Variants in TSPAN11 observed in about 807,000 individuals in gnomAD.
TSPAN11 encodes tetraspanin 11.
In TSPAN11, 29 loss-of-function variants were observed where a neutral mutation model predicts 32.9. The ratio of observed to expected loss-of-function variants is 0.88; its 90% CI spans 0.66 to 1.20. TSPAN11 has a LOEUF of 1.20. TSPAN11 is among the 50% of genes most tolerant of loss of function. The pLI, the probability that TSPAN11 is intolerant of heterozygous loss-of-function variation, is 0.00. For missense variants in TSPAN11, 283 were observed against 329.1 expected, an observed-to-expected ratio of 0.86 and a Z score of 1.08; for synonymous variants, 140 against 141.3, an observed-to-expected ratio of 0.99 and a Z score of 0.07.
At chr12:30,965,446 C>T (rs1938710895) in intron 3 of TSPAN11, among the ~76,000 whole-genome samples, 1 of 149,718 alleles carries the variant, frequency 6.7e-6, no homozygotes. Context: ...AGAAAGAATA[C>T]AGAAGCCCCC....
the TSPAN11 span, among the ~76,000 whole-genome samples, chr12:31,010,151 T>G: frequency 6.6e-6 from 1 of 152,122 alleles, no homozygotes; most frequent in African/African-American, 2.4e-5. Flanking sequence ...TGAGAAGTGC[T>G]GTTATTTGCC....
At chr12:31,002,048 T>C in the TSPAN11 span, among the ~76,000 whole-genome samples, 1 of 151,964 alleles carries the variant, frequency 6.6e-6, no homozygotes, top group East Asian at 1.9e-4. This position sits in a 1 kb window ranked among gnomAD's most constrained non-coding sequence, Gnocchi z 4.8. Context: ...CTTCCACAGA[T>C]GATGGGGGTC....
At chr12:30,962,701 C>T (rs769373406) in intron 2 of TSPAN11, among the ~76,000 whole-genome samples, 2 of 152,116 alleles carry the variant, frequency 1.3e-5, no homozygotes, top group Non-Finnish European at 2.9e-5. Flanking sequence ...CTAGCTTTGA[C>T]CACGCCCAGG....
intron 7 of TSPAN11, among the ~76,000 whole-genome samples, chr12:30,984,818 A>G (rs537051873): frequency 6.6e-6 from 1 of 152,194 alleles, no homozygotes; most frequent in African/African-American, 2.4e-5. Context: ...CCAGTCTCCC[A>G]AAGTGCTGGA....
At chr12:31,009,584 T>A in the TSPAN11 span, among the ~76,000 whole-genome samples, 1 of 152,168 alleles carries the variant, frequency 6.6e-6, no homozygotes, top group Admixed American at 6.5e-5. Context: ...GCAACAGAAG[T>A]GCCACCCCAC....
intron 7 of TSPAN11, among the ~76,000 whole-genome samples, chr12:30,986,325 G>A (rs73097990): frequency 0.059 from 9,031 of 152,256 alleles, 367 homozygotes; most frequent in Non-Finnish European, 0.085. Context: ...ATCTCATTCC[G>A]TCTCTGAGCC....
intron 1 of TSPAN11, among the ~76,000 whole-genome samples, chr12:30,932,439 G>C (rs1937951605): frequency 6.6e-6 from 1 of 152,174 alleles, no homozygotes; most frequent in South Asian, 2.1e-4. Flanking sequence ...CAGTGTCATT[G>C]CTGCTCTCAA....
At chr12:30,956,944 T>C (rs1415684801) in intron 2 of TSPAN11, among the ~76,000 whole-genome samples, 1 of 152,240 alleles carries the variant, frequency 6.6e-6, no homozygotes, top group Non-Finnish European at 1.5e-5. Flanking sequence ...GCTGAGGCCT[T>C]GGTATTTCCC....
At chr12:30,957,651 C>A (rs12311975) in intron 2 of TSPAN11, among the ~76,000 whole-genome samples, 1 of 128,206 alleles carries the variant, frequency 7.8e-6, no homozygotes, top group African/African-American at 3.5e-5. Flanking sequence ...CTCCCTCCCT[C>A]CCTTCCTCCC....
At chr12:31,006,628 G>T in the TSPAN11 span, among the ~76,000 whole-genome samples, 4 of 152,320 alleles carry the variant, frequency 2.6e-5, no homozygotes, top group East Asian at 5.8e-4. Context: ...GAGGGAGAAG[G>T]TGCAGGCCCC....
chr12:30,954,312 G>A, intron 2 of TSPAN11: 1 of 558,332 alleles, frequency 1.8e-6, no homozygotes, highest in Non-Finnish European at 3.2e-6. Context: ...CTGAATAGAG[G>A]CACAAACATA....
chr12:30,960,914 CT>C (rs1322241629), intron 2 of TSPAN11, among the ~76,000 whole-genome samples: 1 of 151,618 alleles, frequency 6.6e-6, no homozygotes, highest in Non-Finnish European at 1.5e-5. Context: ...TGGTGCACAC[CT>C]GTAATCCCAG....
rs574065636 is a variant in TSPAN11 at position 30,937,607 on chromosome 12, G to T, written c.-12+10811G>T. Among the ~76,000 whole-genome samples, 8 of 152,296 alleles carry T rather than the reference G, an allele frequency of 5.3e-5. No individual in the cohort carries two copies. In the East Asian group the frequency reaches 1.5e-3, roughly 29 times the overall value. On this transcript the variant is annotated intron_variant, in intron 1 of 7. Coordinates refer to ENST00000546076, the MANE Select transcript of TSPAN11 (RefSeq NM_001370302.1). ...TGTAACAGTTCAGGCTAGGCAAGCT[G>T]TTCTGCTCCACACAGTCATACAGGG...
In TSPAN11 at chr12:30,936,747, A is replaced by G. The variant is rs545702116; in HGVS notation, c.-12+9951A>G. Among the ~76,000 whole-genome samples, 25 of 152,302 alleles carry G rather than the reference A, an allele frequency of 1.6e-4. No individual in the cohort carries two copies. In the East Asian group the frequency reaches 4.6e-3, roughly 28 times the overall value. On this transcript the variant is annotated intron_variant, in intron 1 of 7. Transcript: ENST00000546076. ...TGACTTAGTTTTGGGCGTGCTGGATATTAGGGAGCCTGTGGTCATGGGCAT... is the reference window on the plus strand; with the variant it reads ...TGACTTAGTTTTGGGCGTGCTGGATGTTAGGGAGCCTGTGGTCATGGGCAT...
chr12:31,011,446 A>G, the TSPAN11 span, among the ~76,000 whole-genome samples: 8 of 152,316 alleles, frequency 5.3e-5, no homozygotes, highest in South Asian at 2.1e-4. Context: ...CAATCAGCCA[A>G]TGAGGCCACA....
intron 7 of TSPAN11, among the ~76,000 whole-genome samples, chr12:30,983,601 A>C (rs1939142206): frequency 6.6e-6 from 1 of 152,018 alleles, no homozygotes; most frequent in South Asian, 2.1e-4. Flanking sequence ...TTGTGTGTGC[A>C]TGTGTGTTTG....
At chr12:30,998,595 T>C (rs569845983), downstream of TSPAN11, among the ~76,000 whole-genome samples, 1 of 152,316 alleles carries the variant, frequency 6.6e-6, no homozygotes, top group Admixed American at 6.5e-5. Flanking sequence ...GCCGGGCACC[T>C]GGTGGGGGCC....
chr12:30,988,776 A>G (rs1939254625), intron 7 of TSPAN11, among the ~76,000 whole-genome samples: 1 of 152,114 alleles, frequency 6.6e-6, no homozygotes, highest in Non-Finnish European at 1.5e-5. Context: ...GAAGACATCA[A>G]GCCTCACCAG....
the TSPAN11 span, among the ~76,000 whole-genome samples, chr12:31,009,112 G>T: frequency 6.6e-6 from 1 of 151,304 alleles, no homozygotes; most frequent in Non-Finnish European, 1.5e-5. Context: ...TCTTCCCCTG[G>T]AGCCTCCCCG....
Sources: gnomAD v4.1 joint callset for allele counts (sites outside exome capture counted in the v4.1 genomes callset) on GRCh38, gnomAD v4.1.1 for gene constraint, Gnocchi (gnomAD v3.1) non-coding constraint, MANE v1.5 for transcripts, NCBI Gene and HGNC (gene_info 2026-07-23, HGNC 2026-07-21) for gene names.